Variants in KLF8 observed in about 807,000 individuals in gnomAD.
KLF8 encodes the protein Krueppel-like factor 8.
In KLF8, 10 loss-of-function variants were observed where a neutral mutation model predicts 18.2. The ratio of observed to expected loss-of-function variants is 0.55; its 90% confidence interval spans 0.34 to 0.93. The LOEUF (loss-of-function observed/expected upper bound fraction) is 0.93. KLF8 is among the 40% of genes least tolerant of loss of function. The pLI, the probability that KLF8 is intolerant of heterozygous loss-of-function variation, is 0.02. For synonymous variants in KLF8, 109 were observed against 97.3 expected, an observed-to-expected ratio of 1.12 and a Z score of -0.71; for missense variants, 264 against 277.9, an observed-to-expected ratio of 0.95 and a Z score of 0.36.
chrX:56,062,712 C>A, the KLF8 span, among the ~76,000 whole-genome samples: 6 of 111,008 alleles, frequency 5.4e-5, no homozygotes, highest in East Asian at 1.7e-3. Flanking sequence ...GTTGGCCTGT[C>A]TTGCTAGGTT....
At chrX:56,047,625 A>G in the KLF8 span, among the ~76,000 whole-genome samples, 2 of 111,004 alleles carry the variant, frequency 1.8e-5, no homozygotes, top group African/African-American at 6.6e-5. Flanking sequence ...AGAGTATTCC[A>G]TGGTGTATAT....
the KLF8 span, among the ~76,000 whole-genome samples, chrX:56,103,063 G>A: frequency 5.7e-4 from 63 of 109,605 alleles, no homozygotes; most frequent in Non-Finnish European, 6.1e-4. Flanking sequence ...CTGTTCCATT[G>A]GTCTATATCT....
At chrX:56,039,267 G>A in the KLF8 span, among the ~76,000 whole-genome samples, 1 of 111,815 alleles carries the variant, frequency 8.9e-6, no homozygotes, top group Non-Finnish European at 1.9e-5. Flanking sequence ...TGGTGTTTAT[G>A]TCATGAAATT....
the KLF8 span, among the ~76,000 whole-genome samples, chrX:55,990,588 G>A: frequency 8.9e-6 from 1 of 111,874 alleles, no homozygotes; most frequent in Non-Finnish European, 1.9e-5. Context: ...GATTTTTAGA[G>A]TTTCCAGTTT....
At chrX:55,938,780 A>G in the KLF8 span, among the ~76,000 whole-genome samples, 3 of 111,478 alleles carry the variant, frequency 2.7e-5, no homozygotes, top group African/African-American at 3.3e-5. Context: ...GACAAAGAAG[A>G]CCATTACATA....
the KLF8 span, among the ~76,000 whole-genome samples, chrX:56,160,985 C>T: frequency 6.3e-5 from 7 of 111,231 alleles, no homozygotes; most frequent in African/African-American, 1.6e-4. Flanking sequence ...TTCCTAGCCT[C>T]GATGGTCTTT....
the KLF8 span, among the ~76,000 whole-genome samples, chrX:56,089,662 T>A: frequency 8.9e-6 from 1 of 112,107 alleles, no homozygotes; most frequent in South Asian, 3.7e-4. Flanking sequence ...AGAACCACAG[T>A]TTACTAGAGT....
intron 3 of KLF8, chrX:56,268,275 G>C (rs1166945792): frequency 8.9e-6 from 1 of 111,793 alleles, no homozygotes; most frequent in African/African-American, 3.2e-5. Context: ...CAGGGATGCA[G>C]TTATCTTTTG....
chrX:56,153,406 G>A, the KLF8 span, among the ~76,000 whole-genome samples: 1 of 110,813 alleles, frequency 9.0e-6, no homozygotes, highest in Non-Finnish European at 1.9e-5. Context: ...TCTCTTTAAT[G>A]TCTAGTTTAA....
chrX:56,290,276 G>C lies in KLF8; in HGVS notation c.*5782G>C, dbSNP rs2067309587. On this transcript the variant is annotated 3_prime_UTR_variant, in exon 6 of 6. Transcript: ENST00000468660. The stretch of plus-strand genomic sequence containing the variant: ...AATGTTGTGAGGCTTCTCATAAATT[G>C]ATTTTGGCAAAAATGAAAGATCTTT... 9.0e-6 allele frequency among the ~76,000 whole-genome samples: 1 copy of C among 111,279 alleles called. No individual in the cohort carries two copies. The highest frequency in any genetic ancestry group is 1.9e-5 in the Non-Finnish European group (1 of 52,985).
the KLF8 span, among the ~76,000 whole-genome samples, chrX:55,998,983 T>C: frequency 1.8e-5 from 2 of 110,584 alleles, no homozygotes; most frequent in Non-Finnish European, 3.8e-5. Flanking sequence ...GATCTTACTT[T>C]TAAATCTTTA....
At position 56,261,696 on chromosome X, in the gene KLF8, G is replaced by T. The variant is rs757804626; in HGVS notation, c.82-3484G>T. Among the ~76,000 whole-genome samples the T allele has an allele frequency of 1.8e-4, 20 of 110,555 alleles. No homozygotes were observed. In the South Asian group the frequency reaches 5.1e-3, roughly 28 times the overall value. On this transcript the variant is annotated intron_variant, in intron 2 of 5. Coordinates refer to ENST00000468660, the MANE Select transcript of KLF8 (RefSeq NM_007250.5). ...AAGGTAAAGCAAATAGGGTGTTGGG[G>T]TTTTTTTTAACCATAGGGAGGGTTA... is the stretch of plus-strand genomic sequence containing the variant.
At chrX:55,988,942 G>T in the KLF8 span, among the ~76,000 whole-genome samples, 1 of 111,336 alleles carries the variant, frequency 9.0e-6, no homozygotes, top group African/African-American at 3.3e-5. Context: ...GGATTCCTAG[G>T]TATTTTATTC....
At chrX:55,908,165 TGTGGCGGGGCC>T in the KLF8 span, 1 of 176,052 alleles carries the variant, frequency 5.7e-6, no homozygotes, top group South Asian at 3.1e-4. Flanking sequence ...TGCGGTGGGG[TGTGGCGGGGCC>T]TGCCCCCTGC....
intron 1 of KLF8, among the ~76,000 whole-genome samples, chrX:56,243,666 G>C (rs750736379): frequency 9.5e-6 from 1 of 105,755 alleles, no homozygotes; most frequent in East Asian, 3.1e-4. Flanking sequence ...CTCCCAAGTA[G>C]CTGGGATTGC....
chrX:56,188,511 A>G, the KLF8 span, among the ~76,000 whole-genome samples: 1 of 111,949 alleles, frequency 8.9e-6, no homozygotes, highest in African/African-American at 3.3e-5. Flanking sequence ...ACAGAATTGG[A>G]AAAAACTACT....
chrX:55,940,822 G>C, the KLF8 span, among the ~76,000 whole-genome samples: 1 of 111,649 alleles, frequency 9.0e-6, no homozygotes, highest in African/African-American at 3.3e-5. Flanking sequence ...TGCAAGGGAT[G>C]TGAAGGACCT....
the KLF8 span, among the ~76,000 whole-genome samples, chrX:55,927,209 G>T: frequency 9.0e-6 from 1 of 111,715 alleles, no homozygotes; most frequent in African/African-American, 3.2e-5. Context: ...TTTTCCTCTG[G>T]AGGGCTATCT....
the KLF8 span, among the ~76,000 whole-genome samples, chrX:56,007,217 G>A: frequency 9.0e-6 from 1 of 111,651 alleles, no homozygotes; most frequent in Non-Finnish European, 1.9e-5. Context: ...ATTCCTCTGA[G>A]TGGGCATGAG....
Sources: allele counts gnomAD v4.1 joint callset (sites outside exome capture counted in the v4.1 genomes callset), GRCh38; gene constraint gnomAD v4.1.1; transcripts MANE v1.5; gene names NCBI Gene and HGNC (gene_info 2026-07-23, HGNC 2026-07-21).